Variants in GALNT13 observed in about 807,000 individuals in gnomAD.
The protein encoded by GALNT13 is polypeptide N-acetylgalactosaminyltransferase 13.
In GALNT13, 28 loss-of-function variants were observed where a neutral mutation model predicts 64.2. That is an observed-to-expected ratio of 0.44 (90% CI 0.32 to 0.60). The LOEUF (loss-of-function observed/expected upper bound fraction) is 0.60, where lower values mean the gene tolerates loss of function less well. Among genes scored for constraint, GALNT13 ranks in the 20% least tolerant of loss-of-function variants. The pLI, the probability that GALNT13 is intolerant of heterozygous loss-of-function variation, is 0.05. For synonymous variants in GALNT13, 214 were observed against 224.6 expected (o/e 0.95, Z 0.42); for missense variants, 577 against 669.8 (o/e 0.86, Z 1.53).
At chr2:154,189,695 A>T (rs1297399296) in intron 4 of GALNT13, among the ~76,000 whole-genome samples, 1 of 152,140 alleles carries the variant, frequency 6.6e-6, no homozygotes, top group Non-Finnish European at 1.5e-5. Flanking sequence ...AAAAAGAATG[A>T]TTTGAAATGG....
the GALNT13 span, among the ~76,000 whole-genome samples, chr2:153,361,665 A>AT: frequency 6.6e-6 from 1 of 152,086 alleles, no homozygotes; most frequent in Non-Finnish European, 1.5e-5. Flanking sequence ...GGCAGACAAG[A>AT]TTTTAGAAAA....
chr2:153,269,986 G>T, the GALNT13 span, among the ~76,000 whole-genome samples: 1 of 152,096 alleles, frequency 6.6e-6, no homozygotes, highest in South Asian at 2.1e-4. Context: ...ATGAGATTTG[G>T]GTAGGGACAC....
chr2:153,079,369 G>A, the GALNT13 span, among the ~76,000 whole-genome samples: 1 of 152,200 alleles, frequency 6.6e-6, no homozygotes, highest in Non-Finnish European at 1.5e-5. Flanking sequence ...AAGAAATTCT[G>A]CTCATAGCAG....
the GALNT13 span, among the ~76,000 whole-genome samples, chr2:153,437,603 T>C: frequency 3.3e-5 from 5 of 152,214 alleles, no homozygotes; most frequent in African/African-American, 1.2e-4. Flanking sequence ...TCTCTTTTGA[T>C]CTTTGCTGGT....
intron 4 of GALNT13, among the ~76,000 whole-genome samples, chr2:154,220,910 C>T (rs1359958419): frequency 1.3e-5 from 2 of 152,076 alleles, no homozygotes; most frequent in African/African-American, 2.4e-5. Flanking sequence ...CAGACTGTCA[C>T]CTTTTTGTTT....
chr2:154,387,266 C>G (rs1482980081), intron 9 of GALNT13, among the ~76,000 whole-genome samples: 1 of 151,964 alleles, frequency 6.6e-6, no homozygotes, highest in Non-Finnish European at 1.5e-5. Context: ...ACCTCTGAAA[C>G]AATACAGTAT....
chr2:153,405,306 T>C, the GALNT13 span, among the ~76,000 whole-genome samples: 1 of 152,318 alleles, frequency 6.6e-6, no homozygotes, highest in Non-Finnish European at 1.5e-5. Flanking sequence ...CTATTCCATG[T>C]AAAACTGGCA....
chr2:154,188,928 G>A (rs1453128447), intron 4 of GALNT13, among the ~76,000 whole-genome samples: 1 of 152,070 alleles, frequency 6.6e-6, no homozygotes, highest in Non-Finnish European at 1.5e-5. Flanking sequence ...GGCAAAAACT[G>A]CAATCACTTT....
chr2:153,669,252 C>G, the GALNT13 span, among the ~76,000 whole-genome samples: 1 of 152,174 alleles, frequency 6.6e-6, no homozygotes, highest in Non-Finnish European at 1.5e-5. Context: ...GGCCACCACC[C>G]CCTGCCATTG....
chr2:154,289,120 C>T (rs992417816), intron 8 of GALNT13, among the ~76,000 whole-genome samples: 2 of 152,212 alleles, frequency 1.3e-5, no homozygotes, highest in Non-Finnish European at 1.5e-5. Context: ...CTTCTTTGCA[C>T]CCACAAGCCC....
the GALNT13 span, among the ~76,000 whole-genome samples, chr2:153,092,025 T>G: frequency 6.6e-6 from 1 of 152,202 alleles, no homozygotes; most frequent in African/African-American, 2.4e-5. Context: ...TTGTACATAG[T>G]GAGAGATAGA....
the GALNT13 span, among the ~76,000 whole-genome samples, chr2:153,715,913 T>C: frequency 1.3e-5 from 2 of 152,042 alleles, no homozygotes; most frequent in Non-Finnish European, 2.9e-5. Flanking sequence ...TCTTTTCATT[T>C]TACATACATA....
chr2:154,195,038 CCT>C (rs1559017737), intron 4 of GALNT13, among the ~76,000 whole-genome samples: 1 of 151,936 alleles, frequency 6.6e-6, no homozygotes, highest in East Asian at 1.9e-4. Flanking sequence ...CCTTCCATCC[CCT>C]GACAGGTCCT....
intron 4 of GALNT13, among the ~76,000 whole-genome samples, chr2:154,147,473 G>A (rs1292156750): frequency 6.6e-6 from 1 of 151,170 alleles, no homozygotes; most frequent in Non-Finnish European, 1.5e-5. Context: ...AGTTTTACAG[G>A]AAGGTGTATT....
chr2:154,147,323 G>T lies in GALNT13; in HGVS notation c.311+6818G>T, dbSNP rs182367679. Among the ~76,000 whole-genome samples, 393 of 149,494 alleles carry T rather than the reference G, an allele frequency of 2.6e-3. 1 individual carries two copies. The highest frequency in any genetic ancestry group is 4.7e-3 in the Non-Finnish European group (316 of 67,458). On this transcript the variant is annotated intron_variant, in intron 4 of 12. Coordinates refer to ENST00000392825, the MANE Select transcript of GALNT13 (RefSeq NM_052917.4). ...ATGGAATGACTATATACATATATAT[G>T]TATTTGAATGGAATATATATATTTG...
chr2:153,332,298 G>A, the GALNT13 span, among the ~76,000 whole-genome samples: 1 of 152,022 alleles, frequency 6.6e-6, no homozygotes, highest in African/African-American at 2.4e-5. Context: ...AACTTTTCAA[G>A]GTAGACCTTT....
At chr2:153,330,387 T>TTTC in the GALNT13 span, among the ~76,000 whole-genome samples, 6 of 152,348 alleles carry the variant, frequency 3.9e-5, no homozygotes, top group East Asian at 1.2e-3. Flanking sequence ...ATTTTCATGA[T>TTTC]ATTAATTCTT....
chr2:154,007,045 A>C (rs1188045541), intron 3 of GALNT13, among the ~76,000 whole-genome samples: 1 of 152,214 alleles, frequency 6.6e-6, no homozygotes, highest in East Asian at 1.9e-4. Flanking sequence ...ATTTTGAGTT[A>C]ATTAGAAAGG....
At chr2:154,201,774 A>T (rs62171195) in intron 4 of GALNT13, among the ~76,000 whole-genome samples, 4,786 of 152,112 alleles carry the variant, frequency 0.031, 121 homozygotes, top group East Asian at 0.12. Context: ...TTTGCTTTTT[A>T]CTTACAGAAC....
Sources: gnomAD v4.1 joint callset for allele counts (sites outside exome capture counted in the v4.1 genomes callset) on GRCh38, gnomAD v4.1.1 for gene constraint, MANE v1.5 for transcripts, NCBI Gene and HGNC (gene_info 2026-07-23, HGNC 2026-07-21) for gene names.